CTNNA3: variants seen among roughly 807,000 people sequenced by gnomAD.
The protein encoded by CTNNA3 is catenin alpha 3, also known as catenin alpha-3.
Under a neutral mutation model 95.7 loss-of-function variants are expected in CTNNA3, and 76 were observed. That is an observed-to-expected ratio of 0.79 (90% CI 0.66 to 0.96). The LOEUF is 0.96. Ranked by LOEUF, CTNNA3 falls within the 40% of genes least tolerant of loss-of-function variation. The probability of loss-of-function intolerance (pLI) is 0.00; values close to 1 mark genes in which losing one functional copy is unlikely to be tolerated. For synonymous variants in CTNNA3, 431 were observed against 374.4 expected (o/e 1.15, Z -1.74); for missense variants, 1,191 against 1,089.8 (o/e 1.09, Z -1.31).
intron 13 of CTNNA3, among the ~76,000 whole-genome samples, chr10:66,220,367 G>A (rs1042098786): frequency 8.5e-5 from 13 of 152,098 alleles, no homozygotes; most frequent in South Asian, 8.3e-4. Flanking sequence ...TGTTTACTCA[G>A]CCGGTAGTTC....
chr10:66,888,293 T>C (rs1418817498), intron 7 of CTNNA3, among the ~76,000 whole-genome samples: 1 of 152,204 alleles, frequency 6.6e-6, no homozygotes, highest in Non-Finnish European at 1.5e-5. Context: ...AACTGAATTC[T>C]GTAAACACTT....
At chr10:66,619,882 C>T (rs1174857094) in intron 10 of CTNNA3, among the ~76,000 whole-genome samples, 3 of 151,822 alleles carry the variant, frequency 2.0e-5, no homozygotes, top group Non-Finnish European at 4.4e-5. Context: ...CATGTGTATA[C>T]AAATATATAT....
chr10:67,673,656 A>C (rs1304874077), intron 1 of CTNNA3, among the ~76,000 whole-genome samples: 1 of 148,782 alleles, frequency 6.7e-6, no homozygotes, highest in African/African-American at 2.5e-5. Flanking sequence ...TATATGCTGG[A>C]TTACATTTAT....
At chr10:66,160,803 G>T (rs1039261708) in intron 13 of CTNNA3, among the ~76,000 whole-genome samples, 6 of 152,020 alleles carry the variant, frequency 3.9e-5, no homozygotes, top group African/African-American at 2.4e-5. Context: ...CTATTACTGT[G>T]TTCTGTCTAT....
chr10:66,749,388 C>T (rs577876582), intron 9 of CTNNA3, among the ~76,000 whole-genome samples: 1 of 152,170 alleles, frequency 6.6e-6, no homozygotes, highest in South Asian at 2.1e-4. Context: ...TCTTCACTAT[C>T]CCCTGGCAAC....
At chr10:67,517,515 A>C (rs1839856012) in intron 5 of CTNNA3, among the ~76,000 whole-genome samples, 1 of 151,518 alleles carries the variant, frequency 6.6e-6, no homozygotes, top group South Asian at 2.1e-4. Context: ...TTAGTAAAAG[A>C]AAAAAAAAGC....
chr10:66,437,341 G>A (rs2093345209), intron 11 of CTNNA3, among the ~76,000 whole-genome samples: 1 of 151,942 alleles, frequency 6.6e-6, no homozygotes, highest in African/African-American at 2.4e-5. Flanking sequence ...AAAAAGTTTG[G>A]TCTTTTCACA....
intron 7 of CTNNA3, among the ~76,000 whole-genome samples, chr10:66,878,889 AT>A (rs1156420088): frequency 1.3e-5 from 2 of 152,184 alleles, no homozygotes; most frequent in Admixed American, 1.3e-4. Context: ...CTACAGAAAG[AT>A]AAATGTGACT....
chr10:66,427,776 C>T (rs144404689), intron 11 of CTNNA3, among the ~76,000 whole-genome samples: 459 of 151,920 alleles, frequency 3.0e-3, no homozygotes, highest in African/African-American at 0.011. Flanking sequence ...AAGGAACAAC[C>T]GGTACCAGCC....
At chr10:67,427,661 C>A (rs1845970341) in intron 5 of CTNNA3, among the ~76,000 whole-genome samples, 1 of 151,958 alleles carries the variant, frequency 6.6e-6, no homozygotes. Context: ...ATATTTAACT[C>A]TGTTAAGTGC....
At chr10:66,356,348 A>C (rs2092610463) in intron 12 of CTNNA3, among the ~76,000 whole-genome samples, 1 of 151,816 alleles carries the variant, frequency 6.6e-6, no homozygotes. Context: ...CCATTTTTTA[A>C]GGTCTTCTTT....
At chr10:66,596,905 C>T (rs1163609586) in intron 10 of CTNNA3, among the ~76,000 whole-genome samples, 1 of 151,390 alleles carries the variant, frequency 6.6e-6, no homozygotes, top group African/African-American at 2.4e-5. Context: ...CAGTGAACCA[C>T]CAGAGAACAC....
At chr10:66,289,414 G>T (rs1001694721) in intron 12 of CTNNA3, among the ~76,000 whole-genome samples, 26 of 134,430 alleles carry the variant, frequency 1.9e-4, no homozygotes, top group African/African-American at 7.1e-4. Flanking sequence ...CATTTATTTT[G>T]AATCCTCCTA....
At chr10:67,480,533 G>A (rs143025340) in intron 5 of CTNNA3, among the ~76,000 whole-genome samples, 69 of 152,306 alleles carry the variant, frequency 4.5e-4, no homozygotes, top group African/African-American at 1.6e-3. Context: ...GCCCACCCAG[G>A]GCAGAAAACT....
At chr10:66,489,591 C>T (rs1055032767) in intron 11 of CTNNA3, among the ~76,000 whole-genome samples, 2 of 152,080 alleles carry the variant, frequency 1.3e-5, no homozygotes, top group Non-Finnish European at 2.9e-5. Flanking sequence ...TGTGCATGCA[C>T]ACACACACGT....
intron 7 of CTNNA3, among the ~76,000 whole-genome samples, chr10:66,854,499 A>C (rs1255472734): frequency 1.3e-5 from 2 of 151,920 alleles, no homozygotes; most frequent in Non-Finnish European, 2.9e-5. Flanking sequence ...GTGAGGTAAA[A>C]AATGCTGAGT....
At chr10:66,021,131 C>T (rs1368824375) in intron 15 of CTNNA3, among the ~76,000 whole-genome samples, 3 of 152,092 alleles carry the variant, frequency 2.0e-5, no homozygotes, top group African/African-American at 7.2e-5. Flanking sequence ...CTCTATTTGT[C>T]ACGGACATGA....
chr10:66,289,406 T>C (rs1045790049), intron 12 of CTNNA3, among the ~76,000 whole-genome samples: 2 of 122,114 alleles, frequency 1.6e-5, no homozygotes, highest in East Asian at 4.9e-4. Context: ...TTGATATTCA[T>C]TTATTTTGAA....
intron 7 of CTNNA3, among the ~76,000 whole-genome samples, chr10:66,824,653 T>C (rs998040161): frequency 1.3e-5 from 2 of 152,212 alleles, no homozygotes; most frequent in African/African-American, 4.8e-5. Flanking sequence ...TTCCATTTGT[T>C]TCTTCAAAAG....
Sources: allele counts gnomAD v4.1 joint callset (sites outside exome capture counted in the v4.1 genomes callset), GRCh38; gene constraint gnomAD v4.1.1; transcripts MANE v1.5; gene names NCBI Gene and HGNC (gene_info 2026-07-23, HGNC 2026-07-21).